The following PHIP variants were observed in gnomAD, a reference collection of about 807,000 sequenced individuals.
PHIP encodes PHIP subunit of CUL4-Ring ligase complex, also known as PH-interacting protein.
A neutral mutation model predicts 236.8 loss-of-function variants in PHIP; 54 were observed. That is an observed-to-expected ratio of 0.23 (90% CI 0.18 to 0.29). The LOEUF (loss-of-function observed/expected upper bound fraction) is 0.29, where lower values mean the gene tolerates loss of function less well. Among genes scored for constraint, PHIP ranks in the 10% least tolerant of loss-of-function variants. PHIP has a pLI of 1.00. For missense variants in PHIP, 1,370 were observed against 2,190.8 expected (o/e 0.63, Z 7.48); for synonymous variants, 756 against 718.9 (o/e 1.05, Z -0.83).
intron 37 of PHIP, 117 bp downstream of exon 37, chr6:78,946,594 G>T: frequency 7.0e-7 from 1 of 1,422,740 alleles, no homozygotes; most frequent in Non-Finnish European, 9.1e-7. Context: ...GAACTTGCAT[G>T]TCAAATTATC....
chr6:79,077,669 G>A, intron 3 of PHIP, 31 bp downstream of exon 3: 3 of 973,030 alleles, frequency 3.1e-6, no homozygotes, highest in Non-Finnish European at 3.6e-6. Flanking sequence ...CCGCGCGGCG[G>A]CGGGACGCGC....
In PHIP at chr6:79,062,566, T is replaced by A. The variant is rs1037762564; in HGVS notation, c.190-1748A>T. The stretch of plus-strand genomic sequence containing the variant: ...AAGTTCATTACTTATTAACTTCAGA[T>A]GTGTGATGATCCTGTTTTAGTATCC... On this transcript the variant is annotated intron_variant, in intron 4 of 39. Transcript: ENST00000275034. 3.3e-5 allele frequency among the ~76,000 whole-genome samples: 5 copies of A among 152,332 alleles called. No homozygotes were observed. The East Asian group carries it at 9.6e-4, about 29-fold the overall frequency.
At position 78,939,338 on chromosome 6, in the gene PHIP, C is replaced by T. The variant is rs554815592; in HGVS notation, c.*1355G>A. The T allele has an allele frequency of 6.6e-6, 1 of 151,608 alleles. No individual in the cohort carries two copies. Among genetic ancestry groups the T allele is most frequent in the Admixed American group, 6.6e-5 (1 of 15,218 alleles). 9.4% of individuals were successfully genotyped at this position (151,608 alleles called of 1,614,324 possible). On this transcript the variant is annotated 3_prime_UTR_variant, in exon 40 of 40. Transcript: ENST00000275034. ...AGTTTTTCTTTAGGGTGTATATTGA[C>T]ATACCAGCATGATAAGGATACCGTA...
At chr6:78,966,626 G>A (rs1378356818) in intron 27 of PHIP, among the ~76,000 whole-genome samples, 2 of 151,596 alleles carry the variant, frequency 1.3e-5, no homozygotes, top group Admixed American at 1.3e-4. Flanking sequence ...TTTTAAAACA[G>A]AGGACACTCC....
intron 23 of PHIP, 45 bp from the exon 24 acceptor site, chr6:78,978,756 C>G (rs368326595): frequency 6.8e-7 from 1 of 1,462,968 alleles, no homozygotes; most frequent in Non-Finnish European, 9.5e-7. Context: ...ATCAAAAAAG[C>G]ATTAATCCAC....
chr6:78,980,408 C>A (rs1768436724), intron 23 of PHIP, among the ~76,000 whole-genome samples: 1 of 151,924 alleles, frequency 6.6e-6, no homozygotes, highest in African/African-American at 2.4e-5. Context: ...CAGTAAAGTG[C>A]TGAATATACT....
At chr6:79,040,655 C>A (rs1331785265) in intron 7 of PHIP, among the ~76,000 whole-genome samples, 1 of 152,030 alleles carries the variant, frequency 6.6e-6, no homozygotes, top group Non-Finnish European at 1.5e-5. Flanking sequence ...ACACTCAGCA[C>A]CCACTTTATT....
At chr6:79,063,989 A>G (rs1202279963) in intron 4 of PHIP, among the ~76,000 whole-genome samples, 2 of 151,344 alleles carry the variant, frequency 1.3e-5, no homozygotes, top group African/African-American at 2.4e-5. Context: ...CCCACCCCTC[A>G]TTTTCTCAGC....
At chr6:79,074,129 AAAAC>A (rs1436234165) in intron 4 of PHIP, among the ~76,000 whole-genome samples, 1 of 152,160 alleles carries the variant, frequency 6.6e-6, no homozygotes, top group Non-Finnish European at 1.5e-5. Context: ...CCTTTCACTT[AAAAC>A]AAACAAGCAA....
chr6:79,000,854 T>A (rs531655879), intron 17 of PHIP, among the ~76,000 whole-genome samples: 1 of 152,044 alleles, frequency 6.6e-6, no homozygotes, highest in African/African-American at 2.4e-5. Context: ...ACTCTAGGAG[T>A]AGCAGCAGGA....
chr6:78,990,235 C>G, intron 20 of PHIP, among the ~76,000 whole-genome samples: 1 of 151,846 alleles, frequency 6.6e-6, no homozygotes, highest in Admixed American at 6.6e-5. Flanking sequence ...AGCTTTCAAG[C>G]TAAGATGTTT....
At chr6:79,011,349 T>C (rs189892018) in intron 15 of PHIP, among the ~76,000 whole-genome samples, 1 of 152,008 alleles carries the variant, frequency 6.6e-6, no homozygotes, top group East Asian at 1.9e-4. Context: ...AGAATAAAGT[T>C]GTCTCATAAT....
chr6:79,052,481 G>A (rs1182046490), intron 6 of PHIP, among the ~76,000 whole-genome samples: 1 of 152,206 alleles, frequency 6.6e-6, no homozygotes, highest in African/African-American at 2.4e-5. Context: ...CTAAATTCCA[G>A]TAATAACGGG....
At chr6:78,986,781 T>C (rs377038125) in intron 21 of PHIP, among the ~76,000 whole-genome samples, 1 of 152,190 alleles carries the variant, frequency 6.6e-6, no homozygotes, top group East Asian at 1.9e-4. Context: ...TATTCCACAG[T>C]TATGAAAACT....
intron 29 of PHIP, among the ~76,000 whole-genome samples, chr6:78,963,901 C>G (rs1766956226): frequency 6.6e-6 from 1 of 152,128 alleles, no homozygotes; most frequent in African/African-American, 2.4e-5. Context: ...TCAAAATTCT[C>G]ATCACAAACT....
chr6:79,028,633 T>C (rs978147155), intron 7 of PHIP, among the ~76,000 whole-genome samples: 4 of 152,234 alleles, frequency 2.6e-5, no homozygotes, highest in Non-Finnish European at 4.4e-5. Context: ...TTTCACAAAT[T>C]GAATCAACAT....
At chr6:79,039,990 A>G (rs1413143438) in intron 7 of PHIP, among the ~76,000 whole-genome samples, 3 of 152,148 alleles carry the variant, frequency 2.0e-5, no homozygotes, top group African/African-American at 4.8e-5. Flanking sequence ...TTCATTATCA[A>G]TTACAATGAT....
At chr6:79,077,372 G>A (rs1774225548) in intron 4 of PHIP, 76 bp downstream of exon 4, 1 of 1,357,168 alleles carries the variant, frequency 7.4e-7, no homozygotes, top group African/African-American at 1.5e-5. Flanking sequence ...TTTTGTCTCT[G>A]TAAAAAATTG....
At chr6:79,020,461 G>A (rs753785154) in intron 9 of PHIP, among the ~76,000 whole-genome samples, 1 of 152,078 alleles carries the variant, frequency 6.6e-6, no homozygotes, top group Non-Finnish European at 1.5e-5. Flanking sequence ...AAAATTAACT[G>A]TAATTTAAGT....
Sources: allele counts gnomAD v4.1 joint callset (sites outside exome capture counted in the v4.1 genomes callset), GRCh38; gene constraint gnomAD v4.1.1; transcripts MANE v1.5; gene names NCBI Gene and HGNC (gene_info 2026-07-23, HGNC 2026-07-21).